The following FAM227B variants were observed in gnomAD, a reference collection of about 807,000 sequenced individuals.
FAM227B encodes protein FAM227B.
FAM227B carries 88 observed loss-of-function variants against 73.8 expected under a neutral mutation model. That is an observed-to-expected ratio of 1.19 (90% confidence interval 1.00 to 1.42). FAM227B has a LOEUF of 1.42. Among genes scored for constraint, FAM227B ranks in the 40% most tolerant of loss-of-function variants. FAM227B has a pLI of 0.00. For missense variants in FAM227B, 632 were observed against 590.9 expected (o/e 1.07, Z -0.72); for synonymous variants, 210 against 190.5 (o/e 1.10, Z -0.84).
chr15:49,412,929 C>G (rs912347947), intron 11 of FAM227B, among the ~76,000 whole-genome samples: 9 of 152,034 alleles, frequency 5.9e-5, no homozygotes, highest in Non-Finnish European at 1.3e-4. Context: ...TGAATTGGCC[C>G]TTGGGTGATA....
In FAM227B at chr15:49,328,011, C is replaced by T; in HGVS notation, c.*557G>A. The T allele has an allele frequency of 6.2e-7, 1 of 1,613,922 alleles. No homozygotes were observed. Among genetic ancestry groups the T allele is most frequent in the Non-Finnish European group, 8.5e-7 (1 of 1,179,848 alleles). Reference sequence around the variant, plus strand: ...GCAGGATGGGGAGGCTGCACAGTATCAATGGTACCTGCGGACAAGCTGCCC... The same window carrying T: ...GCAGGATGGGGAGGCTGCACAGTATTAATGGTACCTGCGGACAAGCTGCCC... On this transcript the variant is annotated 3_prime_UTR_variant, in exon 16 of 16. Transcript: ENST00000299338.
intron 11 of FAM227B, chr15:49,422,846 T>G (rs2049803451): frequency 2.9e-6 from 2 of 683,586 alleles, no homozygotes; most frequent in African/African-American, 3.6e-5. Flanking sequence ...ATACCAGTTT[T>G]GTTCTAACAT....
intron 13 of FAM227B, among the ~76,000 whole-genome samples, chr15:49,355,316 A>C (rs1042345212): frequency 3.3e-5 from 5 of 152,234 alleles, no homozygotes; most frequent in Non-Finnish European, 7.3e-5. Context: ...CATTCAAACC[A>C]AAGGCAAAGA....
chr15:49,521,837 G>A (rs1328895871), intron 10 of FAM227B, among the ~76,000 whole-genome samples: 2 of 152,190 alleles, frequency 1.3e-5, no homozygotes, highest in African/African-American at 4.8e-5. Context: ...ACCTGCCAAA[G>A]ATGAGGAGAT....
chr15:49,517,400 A>G (rs1378220237), intron 10 of FAM227B, among the ~76,000 whole-genome samples: 1 of 152,196 alleles, frequency 6.6e-6, no homozygotes, highest in Non-Finnish European at 1.5e-5. Context: ...TCCTCAACAA[A>G]GAAATAAAAA....
At chr15:49,352,563 G>C (rs1212184569) in intron 13 of FAM227B, among the ~76,000 whole-genome samples, 1 of 152,130 alleles carries the variant, frequency 6.6e-6, no homozygotes, top group Admixed American at 6.6e-5. Flanking sequence ...AGGCTTCAGA[G>C]CGCCTACCAT....
At position 49,360,236 on chromosome 15, in the gene FAM227B, T is replaced by G. The variant is rs1405930206; in HGVS notation, c.1271+7212A>C. Among the ~76,000 whole-genome samples, 4 of 85,864 alleles carry G rather than the reference T, an allele frequency of 4.7e-5. No individual in the cohort carries two copies. In the East Asian group the frequency reaches 1.0e-3, roughly 22 times the overall value. The allele number at this position is 85,864 out of a possible 152,430, so 56.3% of individuals were successfully genotyped here. On this transcript the variant is annotated intron_variant, in intron 13 of 15. Coordinates refer to ENST00000299338, the MANE Select transcript of FAM227B (RefSeq NM_152647.3). The stretch of plus-strand genomic sequence containing the variant: ...CACATGTACCCTAAAACTTATAGTA[T>G]AAGGAAAAAAAAAAAAAGTCTGTGT...
At chr15:49,350,997 A>G (rs1212084785) in intron 13 of FAM227B, among the ~76,000 whole-genome samples, 3 of 152,204 alleles carry the variant, frequency 2.0e-5, no homozygotes, top group Non-Finnish European at 2.9e-5. Flanking sequence ...TATGCTACAC[A>G]GTTCTTAGAG....
chr15:49,407,298 C>T (rs922686188), intron 11 of FAM227B, among the ~76,000 whole-genome samples: 1 of 152,178 alleles, frequency 6.6e-6, no homozygotes, highest in Admixed American at 6.5e-5. Context: ...TGCTCCTTGC[C>T]AGTTCAACTG....
At chr15:49,547,555 C>T (rs1368503207) in intron 9 of FAM227B, among the ~76,000 whole-genome samples, 2 of 152,086 alleles carry the variant, frequency 1.3e-5, no homozygotes, top group African/African-American at 2.4e-5. Context: ...CAGAGACACA[C>T]ATAGGCTCAA....
chr15:49,510,316 G>A (rs994303278), intron 10 of FAM227B, among the ~76,000 whole-genome samples: 5 of 151,914 alleles, frequency 3.3e-5, no homozygotes, highest in Admixed American at 2.6e-4. Context: ...TTCTCTTTTT[G>A]AATATAGAGA....
At chr15:49,582,247 G>T (rs2075859526) in intron 5 of FAM227B, among the ~76,000 whole-genome samples, 1 of 152,140 alleles carries the variant, frequency 6.6e-6, no homozygotes, top group African/African-American at 2.4e-5. Context: ...CATCTTGTGT[G>T]CAATGACACA....
chr15:49,553,253 C>T (rs556832711), intron 9 of FAM227B, among the ~76,000 whole-genome samples: 59 of 152,270 alleles, frequency 3.9e-4, no homozygotes, highest in African/African-American at 1.4e-3. Context: ...GACTTTTTTT[C>T]TCCTCCCTTA....
chr15:49,582,079 T>C, intron 5 of FAM227B, among the ~76,000 whole-genome samples: 1 of 152,244 alleles, frequency 6.6e-6, no homozygotes. Context: ...AAACAAATCT[T>C]CATAATAACC....
chr15:49,329,467 A>T, intron 15 of FAM227B: 1 of 985,194 alleles, frequency 1.0e-6, no homozygotes, highest in Non-Finnish European at 1.2e-6. Context: ...ATTAATGTTT[A>T]ACTCACAGAT....
At chr15:49,583,317 T>C (rs1318769884) in intron 5 of FAM227B, among the ~76,000 whole-genome samples, 1 of 150,722 alleles carries the variant, frequency 6.6e-6, no homozygotes, top group Non-Finnish European at 1.5e-5. Context: ...AGCACAAAAG[T>C]TTACAGATCA....
chr15:49,558,889 A>G (rs2073994761), intron 9 of FAM227B, among the ~76,000 whole-genome samples: 1 of 152,146 alleles, frequency 6.6e-6, no homozygotes, highest in African/African-American at 2.4e-5. Flanking sequence ...CACCACCACC[A>G]GAACCAAAAC....
At chr15:49,509,375 T>C (rs2058812269) in intron 10 of FAM227B, among the ~76,000 whole-genome samples, 3 of 152,140 alleles carry the variant, frequency 2.0e-5, no homozygotes, top group South Asian at 2.1e-4. Context: ...ATAAAATACA[T>C]GGTTAATACT....
intron 11 of FAM227B, among the ~76,000 whole-genome samples, chr15:49,413,546 T>C (rs2049013517): frequency 6.6e-6 from 1 of 152,136 alleles, no homozygotes; most frequent in Non-Finnish European, 1.5e-5. Flanking sequence ...ATAATTAGTC[T>C]AAGATATAAT....
Sources: gnomAD v4.1 joint callset for allele counts (sites outside exome capture counted in the v4.1 genomes callset) on GRCh38, gnomAD v4.1.1 for gene constraint, MANE v1.5 for transcripts, NCBI Gene and HGNC (gene_info 2026-07-23, HGNC 2026-07-21) for gene names.